SENP6: variants seen among roughly 807,000 people sequenced by gnomAD.
The protein encoded by SENP6 is SUMO specific peptidase 6, also known as sentrin-specific protease 6.
SENP6 carries 41 observed loss-of-function variants against 134.5 expected under a neutral mutation model. That is an observed-to-expected ratio of 0.30 (90% CI 0.24 to 0.40). The LOEUF (loss-of-function observed/expected upper bound fraction) is 0.40. Ranked by LOEUF, SENP6 falls within the 10% of genes least tolerant of loss-of-function variation. The pLI, the probability that SENP6 is intolerant of heterozygous loss-of-function variation, is 1.00. For missense variants in SENP6, 1,248 were observed against 1,312.5 expected (o/e 0.95, Z 0.76); for synonymous variants, 395 against 429.8 (o/e 0.92, Z 1.00).
At chr6:75,683,722 T>C (rs986771003) in intron 16 of SENP6, among the ~76,000 whole-genome samples, 1 of 152,220 alleles carries the variant, frequency 6.6e-6, no homozygotes, top group African/African-American at 2.4e-5. Context: ...TGTGGTATTA[T>C]TTCTCAGGCC....
In SENP6 at chr6:75,633,628, C is replaced by G. The variant is rs1769280362; in HGVS notation, c.255C>G (p.Ile85Met). 35 of 1,610,352 alleles carry G rather than the reference C, an allele frequency of 2.2e-5. No individual in the cohort carries two copies. The highest frequency in any genetic ancestry group is 3.0e-5 in the Non-Finnish European group (35 of 1,178,668). ...TTGCTAATAGCTCTGGTGAATTCATCTTGAAGACATATGTAAGACGAAACA... is the reference window on the plus strand; with the variant it reads ...TTGCTAATAGCTCTGGTGAATTCATGTTGAAGACATATGTAAGACGAAACA... ...EIVANSSGEF[I>M]LKTYVRRNKS... is the part of the protein sequence containing the mutation. The change falls in exon 4 of 24, where the codon ATC (isoleucine) becomes ATG (methionine). Residue 85 changes from isoleucine (I) to methionine (M), a missense_variant. Physicochemically the swap from Ile to Met is conservative, Grantham distance 10. Coordinates refer to ENST00000447266, the MANE Select transcript of SENP6 (RefSeq NM_015571.4).
At chr6:75,688,825 T>C (rs888235431) in intron 16 of SENP6, among the ~76,000 whole-genome samples, 8 of 152,320 alleles carry the variant, frequency 5.3e-5, no homozygotes, top group Non-Finnish European at 1.0e-4. Flanking sequence ...CCCAGCACTT[T>C]GGGAAGCCGA....
intron 7 of SENP6, among the ~76,000 whole-genome samples, chr6:75,651,406 G>A (rs926242055): frequency 2.6e-5 from 4 of 152,168 alleles, no homozygotes; most frequent in Non-Finnish European, 5.9e-5. Context: ...CAGGCTTGGA[G>A]TACAGTGACA....
At chr6:75,628,329 A>G (rs1213967628) in intron 3 of SENP6, among the ~76,000 whole-genome samples, 1 of 152,156 alleles carries the variant, frequency 6.6e-6, no homozygotes, top group Non-Finnish European at 1.5e-5. Context: ...GCTTAACATT[A>G]AGTAGAACTC....
intron 12 of SENP6, 159 bp from the exon 13 acceptor site, chr6:75,675,701 G>T: frequency 1.2e-6 from 1 of 847,674 alleles, no homozygotes; most frequent in Non-Finnish European, 1.8e-6. Context: ...CTTTAAGGCA[G>T]TTATAAAGAT....
chr6:75,674,192 C>T (rs1325215298), intron 11 of SENP6, among the ~76,000 whole-genome samples: 7 of 132,970 alleles, frequency 5.3e-5, no homozygotes, highest in Non-Finnish European at 9.3e-5. Flanking sequence ...GGTCTCTCTT[C>T]GTTGCTCAGG....
Position 75,709,641 on chromosome 6 carries a change from A to C in SENP6, c.2820+11A>C. On this transcript the variant is annotated intron_variant, in intron 20 of 23. Transcript: ENST00000447266. Reference sequence around the variant, plus strand: ...GATCAGGATAACCAGGTAAAACTTAATGCTTGGCAAAAAGTTCTAATGTTT... The same window carrying C: ...GATCAGGATAACCAGGTAAAACTTACTGCTTGGCAAAAAGTTCTAATGTTT... The C allele has an allele frequency of 6.3e-7, 1 of 1,594,128 alleles. No individual in the cohort carries two copies.
At chr6:75,661,986 A>G (rs1193887598) in intron 8 of SENP6, among the ~76,000 whole-genome samples, 4 of 152,212 alleles carry the variant, frequency 2.6e-5, no homozygotes, top group Non-Finnish European at 5.9e-5. Context: ...CTGGAGGCAG[A>G]GGTTGCAGTG....
At chr6:75,627,168 G>A (rs1463910786) in intron 3 of SENP6, among the ~76,000 whole-genome samples, 1 of 152,132 alleles carries the variant, frequency 6.6e-6, no homozygotes, top group Non-Finnish European at 1.5e-5. Context: ...CACCATGTTG[G>A]TCAGGCTGGT....
chr6:75,655,850 T>A (rs1275832901), intron 7 of SENP6, among the ~76,000 whole-genome samples: 1 of 152,132 alleles, frequency 6.6e-6, no homozygotes, highest in African/African-American at 2.4e-5. Flanking sequence ...TGTATATAGA[T>A]CACTCTTACC....
chr6:75,605,701 T>C (rs1211911255), intron 1 of SENP6, among the ~76,000 whole-genome samples: 2 of 152,198 alleles, frequency 1.3e-5, no homozygotes, highest in African/African-American at 2.4e-5. Flanking sequence ...AGATCTTTCA[T>C]GCAGGATCAT....
chr6:75,699,113 AAGGG>A lies in SENP6; in HGVS notation c.2288+1600_2288+1603del, dbSNP rs934934588. On this transcript the variant is annotated intron_variant, in intron 18 of 23. Coordinates refer to ENST00000447266, the MANE Select transcript of SENP6 (RefSeq NM_015571.4). ...AACATGTGAACAGCTTACTAGGTGA[AAGGG>A]AGGAAAGCGATTTGTCAGAAATGAG... Among the ~76,000 whole-genome samples the A allele has an allele frequency of 5.3e-5, 8 of 152,272 alleles. No individual in the cohort carries two copies. In the South Asian group the frequency reaches 8.3e-4, roughly 16 times the overall value.
chr6:75,635,048 CAGAGAA>C, intron 5 of SENP6: 1 of 574,878 alleles, frequency 1.7e-6, no homozygotes, highest in Admixed American at 2.6e-5. Context: ...CATTATAATC[CAGAGAA>C]TCTAAGATGA....
At chr6:75,693,298 A>G (rs550785984) in intron 16 of SENP6, among the ~76,000 whole-genome samples, 2 of 151,786 alleles carry the variant, frequency 1.3e-5, no homozygotes, top group South Asian at 4.2e-4. Context: ...CTAGCTACTC[A>G]GGAGGCTGAG....
At chr6:75,618,885 CTG>C (rs1464553077) in intron 1 of SENP6, among the ~76,000 whole-genome samples, 15 of 151,768 alleles carry the variant, frequency 9.9e-5, no homozygotes, top group Non-Finnish European at 5.9e-5. Context: ...TTCATGTATA[CTG>C]ATGGTTTGCT....
chr6:75,633,449 C>A, intron 3 of SENP6, 132 bp from the exon 4 acceptor site: 1 of 694,750 alleles, frequency 1.4e-6, no homozygotes, highest in Middle Eastern at 4.2e-4. Flanking sequence ...TTCTTAAATC[C>A]ATGCCAATGC....
At chr6:75,713,176 G>A (rs1775850964) in intron 21 of SENP6, among the ~76,000 whole-genome samples, 1 of 151,820 alleles carries the variant, frequency 6.6e-6, no homozygotes, top group Non-Finnish European at 1.5e-5. Flanking sequence ...TGGAATATGG[G>A]GATGTTCAAT....
intron 10 of SENP6, among the ~76,000 whole-genome samples, chr6:75,668,045 T>G (rs543858458): frequency 1.3e-4 from 20 of 152,300 alleles, no homozygotes; most frequent in Non-Finnish European, 2.5e-4. Flanking sequence ...GATACAAATA[T>G]GGGAACATAT....
chr6:75,604,272 C>A (rs1766855725), intron 1 of SENP6, among the ~76,000 whole-genome samples: 1 of 152,162 alleles, frequency 6.6e-6, no homozygotes, highest in Non-Finnish European at 1.5e-5. Flanking sequence ...ATGATAAATT[C>A]GAGTTTCACC....
Sources: gnomAD v4.1 joint callset for allele counts (sites outside exome capture counted in the v4.1 genomes callset) on GRCh38, gnomAD v4.1.1 for gene constraint, MANE v1.5 for transcripts, NCBI Gene and HGNC (gene_info 2026-07-23, HGNC 2026-07-21) for gene names.